Variants in CNKSR2 observed in about 807,000 individuals in gnomAD.
The protein encoded by CNKSR2 is connector enhancer of kinase suppressor of Ras 2, also known as CNK homolog protein 2.
In CNKSR2, 14 loss-of-function variants were observed where a neutral mutation model predicts 84.4. The observed-to-expected ratio is 0.17, with a 90% CI of 0.11 to 0.26. The LOEUF (loss-of-function observed/expected upper bound fraction) is 0.26, where lower values mean the gene tolerates loss of function less well. Among genes scored for constraint, CNKSR2 ranks in the 10% least tolerant of loss-of-function variants. CNKSR2 has a pLI of 1.00. For missense variants in CNKSR2, 485 were observed against 771.2 expected, an observed-to-expected ratio of 0.63 and a Z score of 4.40; for synonymous variants, 275 against 277.9, an observed-to-expected ratio of 0.99 and a Z score of 0.10.
intron 4 of CNKSR2, among the ~76,000 whole-genome samples, chrX:21,468,152 C>G (rs1207148146): frequency 9.0e-6 from 1 of 110,536 alleles, no homozygotes; most frequent in Admixed American, 9.7e-5. Flanking sequence ...CCCTAAACAG[C>G]ACTTCTCTAA....
At chrX:21,459,304 G>A (rs1387995104) in intron 4 of CNKSR2, among the ~76,000 whole-genome samples, 1 of 112,127 alleles carries the variant, frequency 8.9e-6, no homozygotes, top group Non-Finnish European at 1.9e-5. Context: ...GATTACAGGC[G>A]TGAGCCACCA....
chrX:21,572,982 G>T (rs1417144693), intron 13 of CNKSR2, among the ~76,000 whole-genome samples: 2 of 111,935 alleles, frequency 1.8e-5, no homozygotes, highest in Non-Finnish European at 3.8e-5. Flanking sequence ...AGACCCTGTA[G>T]AATCAAAAGC....
Position 21,654,269 on chromosome X carries a change from A to C in CNKSR2, c.*1748A>C. On this transcript the variant is annotated 3_prime_UTR_variant, in exon 22 of 22. Coordinates refer to ENST00000379510, the MANE Select transcript of CNKSR2 (RefSeq NM_014927.5). ...ACATTAAATTTGTGGGATTTTGTATATGTAAAAAAAAAAAAAAAAAAAAAA... is the reference window on the plus strand; with the variant it reads ...ACATTAAATTTGTGGGATTTTGTATCTGTAAAAAAAAAAAAAAAAAAAAAA... 2.0e-5 allele frequency: 1 copy of C among 48,888 alleles called. No individual in the cohort carries two copies. Among genetic ancestry groups the C allele is most frequent in the South Asian group, 2.6e-3 (1 of 385 alleles). 4.0% of individuals were successfully genotyped at this position (48,888 alleles called of 1,213,427 possible).
At chrX:21,521,923 G>T (rs1355911190) in intron 9 of CNKSR2, among the ~76,000 whole-genome samples, 1 of 110,760 alleles carries the variant, frequency 9.0e-6, no homozygotes, top group African/African-American at 3.3e-5. Context: ...TTGAATATAT[G>T]TATTTCCCTT....
At chrX:21,464,930 C>T (rs1315126829) in intron 4 of CNKSR2, among the ~76,000 whole-genome samples, 1 of 111,285 alleles carries the variant, frequency 9.0e-6, no homozygotes, top group Non-Finnish European at 1.9e-5. Context: ...CATAATATGC[C>T]CCATATTATT....
intron 5 of CNKSR2, among the ~76,000 whole-genome samples, chrX:21,478,577 A>G (rs2091283280): frequency 8.9e-6 from 1 of 111,938 alleles, no homozygotes; most frequent in African/African-American, 3.2e-5. Flanking sequence ...ATTCATACTG[A>G]CTCTGAAAGT....
At chrX:21,635,320 G>A (rs1012356029) in intron 20 of CNKSR2, among the ~76,000 whole-genome samples, 1 of 106,852 alleles carries the variant, frequency 9.4e-6, no homozygotes, top group Non-Finnish European at 1.9e-5. Context: ...ACTTCTAAAT[G>A]TTAATGCCTT....
chrX:21,620,294 C>CT (rs1234182959), intron 20 of CNKSR2, among the ~76,000 whole-genome samples: 93 of 109,835 alleles, frequency 8.5e-4, no homozygotes, highest in African/African-American at 3.0e-3. Context: ...TTGTAAGCAT[C>CT]TTTTTTTAAT....
intron 4 of CNKSR2, among the ~76,000 whole-genome samples, chrX:21,450,697 C>T: frequency 9.0e-6 from 1 of 111,522 alleles, no homozygotes; most frequent in Non-Finnish European, 1.9e-5. Flanking sequence ...AAATGCCTCC[C>T]ATTGCTTAGA....
chrX:21,473,745 G>GTTTTTTTT lies in CNKSR2; in HGVS notation c.561+2950_561+2957dup, dbSNP rs768497403. On this transcript the variant is annotated intron_variant, in intron 5 of 21. Coordinates refer to ENST00000379510, the MANE Select transcript of CNKSR2 (RefSeq NM_014927.5). ...TAGGTTTTTTGTTGTTGTTGGTTTG[G>GTTTTTTTT]TTTTTTTTTTTTTTTTTTTGAGACA... Among the ~76,000 whole-genome samples, 26 of 67,201 alleles carry GTTTTTTTT rather than the reference G, an allele frequency of 3.9e-4. 2 individuals carry two copies. The highest frequency in any genetic ancestry group is 2.5e-3 in the African/African-American group (24 of 9,708). The allele number at this position is 67,201 out of a possible 115,157, so 58.4% of individuals were successfully genotyped here.
intron 1 of CNKSR2, among the ~76,000 whole-genome samples, chrX:21,385,743 T>C: frequency 8.9e-6 from 1 of 111,739 alleles, no homozygotes; most frequent in East Asian, 2.8e-4. Flanking sequence ...GTGAGAGGAA[T>C]CCTGGAAATA....
chrX:21,406,503 G>T (rs1160823025), intron 1 of CNKSR2, among the ~76,000 whole-genome samples: 1 of 111,367 alleles, frequency 9.0e-6, no homozygotes, highest in East Asian at 2.8e-4. Context: ...ATGTACTGAT[G>T]ATATGATTAA....
At chrX:21,395,604 A>G (rs1569144291) in intron 1 of CNKSR2, among the ~76,000 whole-genome samples, 2 of 110,622 alleles carry the variant, frequency 1.8e-5, no homozygotes, top group African/African-American at 6.6e-5. Flanking sequence ...AGGGTTACCT[A>G]TGGTAGGGCA....
intron 13 of CNKSR2, among the ~76,000 whole-genome samples, chrX:21,564,329 G>A (rs754904112): frequency 1.8e-5 from 2 of 111,821 alleles, no homozygotes; most frequent in South Asian, 7.5e-4. Context: ...GATCTCTCTA[G>A]TGCAGAGCGT....
intron 20 of CNKSR2, among the ~76,000 whole-genome samples, chrX:21,635,134 A>G (rs775317465): frequency 6.8e-4 from 73 of 107,924 alleles, no homozygotes; most frequent in African/African-American, 1.8e-3. Context: ...TGTGTGGGGG[A>G]GTGCTGACAG....
intron 20 of CNKSR2, among the ~76,000 whole-genome samples, chrX:21,636,277 G>GA (rs61055053): frequency 0.034 from 3,764 of 109,579 alleles, 165 homozygotes; most frequent in African/African-American, 0.12. Context: ...GGTGGTGGTA[G>GA]AAAATCCACA....
chrX:21,418,985 C>A (rs2090459126), intron 1 of CNKSR2, among the ~76,000 whole-genome samples: 1 of 111,094 alleles, frequency 9.0e-6, no homozygotes, highest in East Asian at 2.8e-4. Context: ...TTTCAATAAA[C>A]CTTCTACCCC....
intron 12 of CNKSR2, 22 bp from the exon 13 acceptor site, chrX:21,563,216 G>A (rs776901807): frequency 9.9e-6 from 11 of 1,114,574 alleles, no homozygotes; most frequent in Non-Finnish European, 1.2e-5. Flanking sequence ...TTATATTGGT[G>A]TATTTATCTC....
rs1488333811 is a variant in CNKSR2, at chrX:21,626,211, G to C, written c.2692+16594G>C. On this transcript the variant is annotated intron_variant, in intron 20 of 21. Coordinates refer to ENST00000379510, the MANE Select transcript of CNKSR2 (RefSeq NM_014927.5). ...AGCTGGATGAATAAGGTTTCACCAGGAGAAAAAGAAAAGGAGGGTACATTC... is the reference window on the plus strand; with the variant it reads ...AGCTGGATGAATAAGGTTTCACCAGCAGAAAAAGAAAAGGAGGGTACATTC... 9.5e-5 allele frequency among the ~76,000 whole-genome samples: 8 copies of C among 84,379 alleles called. No homozygotes were observed. In the East Asian group the frequency reaches 2.1e-3, roughly 22 times the overall value. 73.3% of individuals were successfully genotyped at this position (84,379 alleles called of 115,157 possible).
Sources: gnomAD v4.1 joint callset for allele counts (sites outside exome capture counted in the v4.1 genomes callset) on GRCh38, gnomAD v4.1.1 for gene constraint, MANE v1.5 for transcripts, NCBI Gene and HGNC (gene_info 2026-07-23, HGNC 2026-07-21) for gene names.